The following HRH1 variants were observed in gnomAD, a reference collection of about 807,000 sequenced individuals.
HRH1 encodes the protein histamine H1 receptor.
HRH1 carries 6 observed loss-of-function variants against 10.3 expected under a neutral mutation model. That is an observed-to-expected ratio of 0.58 (90% CI 0.32 to 1.15). HRH1 has a LOEUF of 1.15. Among genes scored for constraint, HRH1 ranks in the 50% most tolerant of loss-of-function variants. The probability of loss-of-function intolerance (pLI) is 0.05; values close to 1 mark genes in which losing one functional copy is unlikely to be tolerated. For synonymous variants in HRH1, 242 were observed against 236.7 expected (o/e 1.02, Z -0.21); for missense variants, 514 against 615.3 (o/e 0.84, Z 1.74).
Position 11,259,124 on chromosome 3 carries a change from C to T in HRH1, c.87C>T (p.Pro29=), listed in dbSNP as rs949491428. 1.2e-6 allele frequency: 2 copies of T among 1,614,174 alleles called. No individual in the cohort carries two copies. Among genetic ancestry groups the T allele is most frequent in the South Asian group, 2.2e-5 (2 of 91,084 alleles). The change falls in exon 2 of 2, where the codon CCC becomes CCT. Residue 29 remains proline, a synonymous_variant. Coordinates refer to ENST00000431010, the MANE Select transcript of HRH1 (RefSeq NM_001098212.2). This position sits in a 1 kb window ranked among gnomAD's most constrained non-coding sequence, Gnocchi z 4.6. ...KTTMASPQLM[P]LVVVLSTICL... is the part of the protein sequence containing the mutation. Reference sequence around the variant, plus strand: ...CTATGGCCAGCCCCCAGCTGATGCCCCTGGTGGTGGTCCTGAGCACTATCT... The same window carrying T: ...CTATGGCCAGCCCCCAGCTGATGCCTCTGGTGGTGGTCCTGAGCACTATCT...
chr3:11,257,979 C>CT (rs944146339), intron 1 of HRH1, among the ~76,000 whole-genome samples: 1 of 152,102 alleles, frequency 6.6e-6, no homozygotes, highest in African/African-American at 2.4e-5. Flanking sequence ...TTCCAGCCTA[C>CT]TAGCAAGGGT....
chr3:11,214,546 G>A (rs1341885780), intron 1 of HRH1, among the ~76,000 whole-genome samples: 4 of 152,250 alleles, frequency 2.6e-5, no homozygotes, highest in Non-Finnish European at 5.9e-5. Context: ...GAAGGATGAT[G>A]CGAGGGAGAA....
chr3:11,241,938 T>C (rs1939354190), intron 1 of HRH1, among the ~76,000 whole-genome samples: 2 of 151,918 alleles, frequency 1.3e-5, no homozygotes, highest in African/African-American at 4.8e-5. Flanking sequence ...AATGTACCAG[T>C]GGGCGCTCTC....
At chr3:11,194,494 T>C (rs1444354529) in intron 1 of HRH1, among the ~76,000 whole-genome samples, 1 of 152,202 alleles carries the variant, frequency 6.6e-6, no homozygotes, top group Non-Finnish European at 1.5e-5. Flanking sequence ...TTTGCCTCCT[T>C]CATATACCAA....
chr3:11,147,410 C>T (rs78091749), intron 1 of HRH1, among the ~76,000 whole-genome samples: 5,472 of 152,228 alleles, frequency 0.036, 179 homozygotes, highest in African/African-American at 0.082. Context: ...CTATGAACAT[C>T]CCACTTTATA....
rs1938862619 is a variant in HRH1, at chr3:11,225,769, T to G, written c.-35-33234T>G. Among the ~76,000 whole-genome samples the G allele has an allele frequency of 2.0e-5, 3 of 152,218 alleles. No individual in the cohort carries two copies. The South Asian group carries it at 6.2e-4, about 32-fold the overall frequency. Reference sequence around the variant, plus strand: ...GGCACGATCTCGGCTCACTTCAACCTCTGCCTCCCGGGTTCAGGCGACTCA... The same window carrying G: ...GGCACGATCTCGGCTCACTTCAACCGCTGCCTCCCGGGTTCAGGCGACTCA... On this transcript the variant is annotated intron_variant, in intron 1 of 1. Coordinates refer to ENST00000431010, the MANE Select transcript of HRH1 (RefSeq NM_001098212.2).
chr3:11,209,049 C>T (rs912229466), intron 1 of HRH1, among the ~76,000 whole-genome samples: 2 of 152,088 alleles, frequency 1.3e-5, no homozygotes, highest in African/African-American at 4.8e-5. Flanking sequence ...TCTAAACAGC[C>T]CAATCAAGAA....
intron 1 of HRH1, among the ~76,000 whole-genome samples, chr3:11,211,939 C>A (rs919031228): frequency 6.6e-6 from 1 of 152,130 alleles, no homozygotes; most frequent in African/African-American, 2.4e-5. Context: ...GGGCTTCCTC[C>A]CAGACCTCCT....
In HRH1 at chr3:11,223,462, G is replaced by A. The variant is rs542889911; in HGVS notation, c.-35-35541G>A. Reference sequence around the variant, plus strand: ...TGCAGTGAGCAGAGATGGCGCCACTGCGCTCCAGCCTGGGCGACAGAGCGA... The same window carrying A: ...TGCAGTGAGCAGAGATGGCGCCACTACGCTCCAGCCTGGGCGACAGAGCGA... On this transcript the variant is annotated intron_variant, in intron 1 of 1. Coordinates refer to ENST00000431010, the MANE Select transcript of HRH1 (RefSeq NM_001098212.2). Among the ~76,000 whole-genome samples the A allele has an allele frequency of 3.5e-3, 531 of 151,506 alleles. 4 individuals are homozygous for A. Among genetic ancestry groups the A allele is most frequent in the Middle Eastern group, 7.0e-3 (2 of 284 alleles).
At chr3:11,243,791 C>G (rs12488101) in intron 1 of HRH1, among the ~76,000 whole-genome samples, 1 of 152,182 alleles carries the variant, frequency 6.6e-6, no homozygotes, top group African/African-American at 2.4e-5. Flanking sequence ...TTCTGACGTC[C>G]GCATTTTGCC....
Position 11,246,455 on chromosome 3 carries a change from C to G in HRH1, c.-35-12548C>G, listed in dbSNP as rs115794997. Among the ~76,000 whole-genome samples, 1,408 of 152,308 alleles carry G rather than the reference C, an allele frequency of 9.2e-3. 29 individuals carry two copies. The highest frequency in any genetic ancestry group is 0.032 in the African/African-American group (1,332 of 41,550). ...CATGTCCCCAAATATCTCCCACACT[C>G]TTGGCCATAGTATCTGACTTTTCTT... On this transcript the variant is annotated intron_variant, in intron 1 of 1. Coordinates refer to ENST00000431010, the MANE Select transcript of HRH1 (RefSeq NM_001098212.2).
upstream of HRH1, among the ~76,000 whole-genome samples, chr3:11,151,830 T>C (rs1469882953): frequency 3.3e-5 from 5 of 152,136 alleles, no homozygotes; most frequent in South Asian, 1.0e-3. Flanking sequence ...GGGTGTGACA[T>C]AGGCATTACT....
chr3:11,235,491 G>A (rs1939156566), intron 1 of HRH1, among the ~76,000 whole-genome samples: 1 of 152,136 alleles, frequency 6.6e-6, no homozygotes, highest in South Asian at 2.1e-4. Context: ...CTGTTGCTGA[G>A]CAGATGTGGG....
intron 1 of HRH1, among the ~76,000 whole-genome samples, chr3:11,227,004 A>C (rs1383662349): frequency 6.6e-6 from 1 of 152,196 alleles, no homozygotes; most frequent in Non-Finnish European, 1.5e-5. Flanking sequence ...CCAGCCATTA[A>C]AGAGTTTTGA....
At chr3:11,249,063 G>T (rs1939565765) in intron 1 of HRH1, among the ~76,000 whole-genome samples, 1 of 152,054 alleles carries the variant, frequency 6.6e-6, no homozygotes. Context: ...GGTAACTTTA[G>T]TTTTATCATT....
At position 11,260,173 on chromosome 3, in the gene HRH1, G is replaced by A. The variant is rs531444188; in HGVS notation, c.1136G>A (p.Gly379Glu). Reference sequence around the variant, plus strand: ...CCAGGCAAAGGCAAATTGAGGAGTGGGTCTAACACAGGCCTGGATTACATC... The same window carrying A: ...CCAGGCAAAGGCAAATTGAGGAGTGAGTCTAACACAGGCCTGGATTACATC... ...TAPGKGKLRSGSNTGLDYIKF... is the reference protein window; with the variant it reads ...TAPGKGKLRSESNTGLDYIKF... Residue 379 changes from glycine (G) to glutamate (E), a missense_variant, in exon 2 of 2, where the codon GGG becomes GAG. Gly to Glu is a moderately conservative substitution (Grantham distance 98). Transcript: ENST00000431010. 9 of 1,613,922 alleles carry A rather than the reference G, an allele frequency of 5.6e-6. No homozygotes were observed. Among genetic ancestry groups the A allele is most frequent in the Admixed American group, 3.3e-5 (2 of 60,010 alleles).
intron 1 of HRH1, among the ~76,000 whole-genome samples, chr3:11,250,642 A>C (rs894947864): frequency 1.3e-5 from 2 of 152,218 alleles, no homozygotes; most frequent in African/African-American, 4.8e-5. Flanking sequence ...CCTAACACAT[A>C]GTTTCTAAGA....
At chr3:11,214,750 T>C (rs1938435023) in intron 1 of HRH1, among the ~76,000 whole-genome samples, 1 of 152,224 alleles carries the variant, frequency 6.6e-6, no homozygotes, top group South Asian at 2.1e-4. Context: ...TTCTGTAACC[T>C]GAGGAGGTTG....
At chr3:11,138,921 C>T (rs1936237943) in intron 1 of HRH1, among the ~76,000 whole-genome samples, 1 of 151,836 alleles carries the variant, frequency 6.6e-6, no homozygotes, top group African/African-American at 2.4e-5. Flanking sequence ...ACAATCCTCC[C>T]ACCTCAGCCT....
Sources: gnomAD v4.1 joint callset for allele counts (sites outside exome capture counted in the v4.1 genomes callset) on GRCh38, gnomAD v4.1.1 for gene constraint, Gnocchi (gnomAD v3.1) non-coding constraint, MANE v1.5 for transcripts, NCBI Gene and HGNC (gene_info 2026-07-23, HGNC 2026-07-21) for gene names.